Variants in SAXO1 observed in about 807,000 individuals in gnomAD.
The protein encoded by SAXO1 is 4930500O09Rik.
In SAXO1, 21 loss-of-function variants were observed where a neutral mutation model predicts 17.5. That is an observed-to-expected ratio of 1.20 (90% CI 0.85 to 1.72). The LOEUF is 1.72. SAXO1 is among the 40% of genes most tolerant of loss of function. The pLI is 0.00. For missense variants in SAXO1, 843 were observed against 596.0 expected (o/e 1.41, Z -4.32); for synonymous variants, 274 against 216.5 (o/e 1.27, Z -2.33).
At chr9:19,042,793 C>T (rs762833527) in intron 1 of SAXO1, among the ~76,000 whole-genome samples, 7 of 151,790 alleles carry the variant, frequency 4.6e-5, no homozygotes, top group Non-Finnish European at 7.4e-5. Context: ...ACCGGGGAGG[C>T]GGAGGTTGTG....
intron 1 of SAXO1, among the ~76,000 whole-genome samples, chr9:18,974,412 A>G (rs1325211659): frequency 2.6e-5 from 4 of 152,220 alleles, no homozygotes; most frequent in African/African-American, 7.2e-5. Flanking sequence ...AGAAGCAACA[A>G]ACACAGTGAA....
At chr9:19,003,347 C>T (rs547970890) in intron 1 of SAXO1, among the ~76,000 whole-genome samples, 1 of 152,112 alleles carries the variant, frequency 6.6e-6, no homozygotes, top group Non-Finnish European at 1.5e-5. Flanking sequence ...CAATGCTATC[C>T]CCATCAAGCT....
chr9:19,033,957 C>T (rs1835868245), upstream of SAXO1, among the ~76,000 whole-genome samples: 1 of 152,172 alleles, frequency 6.6e-6, no homozygotes, highest in Non-Finnish European at 1.5e-5. Flanking sequence ...GTTTCTTCAG[C>T]TTACCTGATC....
chr9:18,954,288 TTAATAAA>T (rs1832156812), intron 1 of SAXO1, among the ~76,000 whole-genome samples: 2 of 152,126 alleles, frequency 1.3e-5, no homozygotes, highest in African/African-American at 4.8e-5. Flanking sequence ...CTGTTAATTG[TTAATAAA>T]TAATTAACAA....
chr9:18,930,364 C>A (rs577274496), intron 3 of SAXO1, among the ~76,000 whole-genome samples: 29 of 152,326 alleles, frequency 1.9e-4, no homozygotes, highest in African/African-American at 6.7e-4. Flanking sequence ...CAGATACTGT[C>A]TTCAGGCAGC....
chr9:19,026,394 T>C (rs959257014), intron 1 of SAXO1, among the ~76,000 whole-genome samples: 1 of 152,198 alleles, frequency 6.6e-6, no homozygotes, highest in Non-Finnish European at 1.5e-5. Flanking sequence ...TATATTAAAA[T>C]TAATCTCAAT....
chr9:19,037,309 T>G (rs1835966097), upstream of SAXO1, among the ~76,000 whole-genome samples: 1 of 152,132 alleles, frequency 6.6e-6, no homozygotes, highest in South Asian at 2.1e-4. Context: ...GGAAGGCATG[T>G]TTTTTGTGAA....
At chr9:19,022,519 T>C (rs1835289574) in intron 1 of SAXO1, among the ~76,000 whole-genome samples, 1 of 152,230 alleles carries the variant, frequency 6.6e-6, no homozygotes, top group Non-Finnish European at 1.5e-5. Flanking sequence ...AGATTGTATG[T>C]AGAGTTTTTT....
intron 3 of SAXO1, among the ~76,000 whole-genome samples, chr9:18,933,056 A>C (rs1297185545): frequency 6.6e-6 from 1 of 152,182 alleles, no homozygotes; most frequent in Non-Finnish European, 1.5e-5. Context: ...TAGAACCTCC[A>C]ATACAATATT....
At chr9:18,939,178 C>T (rs1381076367) in intron 3 of SAXO1, among the ~76,000 whole-genome samples, 3 of 152,218 alleles carry the variant, frequency 2.0e-5, no homozygotes, top group Non-Finnish European at 4.4e-5. Flanking sequence ...GTGGAAAGCG[C>T]TTACTGCAGT....
intron 1 of SAXO1, among the ~76,000 whole-genome samples, chr9:19,016,798 CT>C (rs34423268): frequency 0.12 from 12,951 of 111,264 alleles, 539 homozygotes; most frequent in African/African-American, 0.14. Context: ...TAACATCTGA[CT>C]TTTTTTTTTT....
Position 19,032,948 on chromosome 9 carries a change from G to T in SAXO1, c.-40C>A. ...GGCCCTGACGTCCCCTCAGAGCATC[G>T]CCAGCTGCAGCCGACTCCTAGACCC... is the stretch of plus-strand genomic sequence containing the variant. On this transcript the variant is annotated 5_prime_UTR_variant, in exon 1 of 4. Transcript: ENST00000380534. The T allele has an allele frequency of 6.3e-7, 1 of 1,584,624 alleles. No individual in the cohort carries two copies. Among genetic ancestry groups the T allele is most frequent in the Non-Finnish European group, 8.6e-7 (1 of 1,168,462 alleles).
chr9:19,013,457 G>T (rs1402944093), intron 1 of SAXO1, among the ~76,000 whole-genome samples: 4 of 151,850 alleles, frequency 2.6e-5, no homozygotes, highest in Non-Finnish European at 5.9e-5. Flanking sequence ...CTGTCTCAGG[G>T]CAAGAGCTGA....
intron 3 of SAXO1, among the ~76,000 whole-genome samples, chr9:18,933,296 A>G (rs569363306): frequency 1.4e-3 from 216 of 152,230 alleles, no homozygotes; most frequent in Non-Finnish European, 2.7e-3. Context: ...CTGTTACTTT[A>G]TTAATGTGGC....
rs374746406 is a variant in SAXO1 at position 18,993,450 on chromosome 9, C to A, written c.38+39421G>T. Among the ~76,000 whole-genome samples, 53 of 152,322 alleles carry A rather than the reference C, an allele frequency of 3.5e-4. 1 individual carries two copies. The South Asian group carries it at 0.01, about 29-fold the overall frequency. ...AGAAGCTACAGGACTCAGCCTCAGC[C>A]TCTGCCTTCAGTCAGCTTTCCTTCT... On this transcript the variant is annotated intron_variant, in intron 1 of 3. Transcript: ENST00000380534.
Position 18,928,678 on chromosome 9 carries a change from G to C in SAXO1, c.799C>G (p.Pro267Ala). 6.2e-7 allele frequency: 1 copy of C among 1,614,128 alleles called. No homozygotes were observed. Among genetic ancestry groups the C allele is most frequent in the Non-Finnish European group, 8.5e-7 (1 of 1,180,036 alleles). The change falls in exon 4 of 4, where the codon CCT becomes GCT. Residue 267 changes from proline (P) to alanine (A), a missense_variant. Transcript: ENST00000380534. ...PLARPPGLDM[P>A]FCNTTEFRDK... ...CGAAACTCAGTGGTGTTACAGAAAG[G>C]CATGTCTAGCCCAGGAGGCCTGGCT...
chr9:19,035,459 T>C (rs894672592), upstream of SAXO1, among the ~76,000 whole-genome samples: 11 of 152,188 alleles, frequency 7.2e-5, no homozygotes, highest in African/African-American at 2.7e-4. Context: ...GATATGTCTT[T>C]ATCAGCAGCA....
At chr9:18,952,785 T>C (rs1034067629) in intron 1 of SAXO1, among the ~76,000 whole-genome samples, 3 of 152,230 alleles carry the variant, frequency 2.0e-5, no homozygotes, top group Non-Finnish European at 4.4e-5. Context: ...CAGTGTTAAA[T>C]ACAATCAAGA....
intron 1 of SAXO1, among the ~76,000 whole-genome samples, chr9:19,048,954 G>A (rs1370572626): frequency 6.6e-6 from 1 of 152,256 alleles, no homozygotes; most frequent in Non-Finnish European, 1.5e-5. Context: ...ACAGGCAATC[G>A]CTTGCCTACA....
Sources: allele counts gnomAD v4.1 joint callset (sites outside exome capture counted in the v4.1 genomes callset), GRCh38; gene constraint gnomAD v4.1.1; transcripts MANE v1.5; gene names NCBI Gene and HGNC (gene_info 2026-07-23, HGNC 2026-07-21).